EBF1: variants seen among roughly 807,000 people sequenced by gnomAD.
EBF1 encodes the protein EBF transcription factor 1.
EBF1 carries 10 observed loss-of-function variants against 68.4 expected under a neutral mutation model. That is an observed-to-expected ratio of 0.15 (90% CI 0.09 to 0.25). EBF1 has a LOEUF of 0.25. EBF1 is among the 10% of genes least tolerant of loss of function. EBF1 has a pLI of 1.00. For synonymous variants in EBF1, 298 were observed against 299.8 expected, an observed-to-expected ratio of 0.99 and a Z score of 0.06; for missense variants, 509 against 794.4, an observed-to-expected ratio of 0.64 and a Z score of 4.32.
At chr5:159,075,904 T>C (rs1299905220) in intron 5 of EBF1, among the ~76,000 whole-genome samples, 1 of 152,168 alleles carries the variant, frequency 6.6e-6, no homozygotes, top group East Asian at 1.9e-4. Context: ...GACTCTTGCC[T>C]GGCGGGCCTC....
intron 6 of EBF1, among the ~76,000 whole-genome samples, chr5:158,894,971 A>G (rs1275711764): frequency 6.6e-6 from 1 of 152,214 alleles, no homozygotes. Context: ...TATACTGTAT[A>G]TTATGTAACA....
At chr5:159,021,818 C>T (rs1040824446) in intron 6 of EBF1, among the ~76,000 whole-genome samples, 8 of 152,108 alleles carry the variant, frequency 5.3e-5, no homozygotes, top group African/African-American at 1.9e-4. Flanking sequence ...CTTATAATGC[C>T]CTTTTAGCAA....
intron 6 of EBF1, among the ~76,000 whole-genome samples, chr5:158,957,856 T>C (rs1389144828): frequency 6.6e-6 from 1 of 152,216 alleles, no homozygotes; most frequent in East Asian, 1.9e-4. Context: ...CAGGTTTAAA[T>C]ACCTTCAAGG....
At chr5:158,763,248 G>A (rs909084843) in intron 10 of EBF1, among the ~76,000 whole-genome samples, 9 of 152,180 alleles carry the variant, frequency 5.9e-5, no homozygotes, top group African/African-American at 1.9e-4. Flanking sequence ...TAAATTACAA[G>A]AGTGCAGCAG....
intron 6 of EBF1, among the ~76,000 whole-genome samples, chr5:158,865,539 ATGATAATGG>A (rs1795726540): frequency 6.6e-6 from 1 of 152,228 alleles, no homozygotes; most frequent in South Asian, 2.1e-4. Context: ...TTTGATGATG[ATGATAATGG>A]TGATAATGGG....
intron 10 of EBF1, among the ~76,000 whole-genome samples, chr5:158,772,654 T>A (rs913130334): frequency 2.6e-5 from 4 of 152,184 alleles, no homozygotes; most frequent in Non-Finnish European, 5.9e-5. Context: ...GTGTTACTTG[T>A]TTCTTTAAAC....
At chr5:159,013,608 G>A (rs1765091923) in intron 6 of EBF1, among the ~76,000 whole-genome samples, 1 of 152,214 alleles carries the variant, frequency 6.6e-6, no homozygotes. Flanking sequence ...TCCAGGCTGA[G>A]GCTGGTGAGG....
chr5:158,771,218 T>C (rs923497186), intron 10 of EBF1, among the ~76,000 whole-genome samples: 2 of 152,136 alleles, frequency 1.3e-5, no homozygotes, highest in Non-Finnish European at 2.9e-5. Flanking sequence ...ACTATCTGCT[T>C]TTCTCACTTA....
chr5:158,697,033 T>C lies in EBF1; in HGVS notation c.*2078A>G, dbSNP rs1428188274. 1 of 189,588 alleles carries C rather than the reference T, an allele frequency of 5.3e-6. No homozygotes were observed. Among genetic ancestry groups the C allele is most frequent in the Non-Finnish European group, 1.1e-5 (1 of 90,252 alleles). 11.7% of individuals were successfully genotyped at this position (189,588 alleles called of 1,614,324 possible). A position where few individuals can be genotyped will look rare whatever the true frequency, so the allele number is the denominator to read the frequency against. ...TTAAGGCATCCAATCTGCTGGTTTA[T>C]ATTTATGTGAAAGACAGAGGAAATA... On this transcript the variant is annotated 3_prime_UTR_variant, in exon 16 of 16. Coordinates refer to ENST00000313708, the MANE Select transcript of EBF1 (RefSeq NM_024007.5).
chr5:159,001,263 G>A (rs943866304), intron 6 of EBF1, among the ~76,000 whole-genome samples: 1 of 151,970 alleles, frequency 6.6e-6, no homozygotes, highest in Non-Finnish European at 1.5e-5. Flanking sequence ...GAGTAAGAAA[G>A]AAATTTTTTT....
At chr5:159,010,230 G>A (rs2127676492) in intron 6 of EBF1, among the ~76,000 whole-genome samples, 1 of 152,302 alleles carries the variant, frequency 6.6e-6, no homozygotes, top group South Asian at 2.1e-4. Context: ...AGATGAGTAG[G>A]AGGGTGGACA....
intron 6 of EBF1, among the ~76,000 whole-genome samples, chr5:158,958,164 C>T (rs1040347478): frequency 1.3e-5 from 2 of 152,082 alleles, no homozygotes; most frequent in African/African-American, 2.4e-5. Context: ...TGACAGAGCT[C>T]GGTGGTGTCC....
chr5:159,071,592 C>T (rs1449224806), intron 6 of EBF1, among the ~76,000 whole-genome samples: 1 of 152,150 alleles, frequency 6.6e-6, no homozygotes, highest in Non-Finnish European at 1.5e-5. Flanking sequence ...TACAGTGCTG[C>T]TGAGTCAAGT....
chr5:158,962,925 C>T (rs995496965), intron 6 of EBF1, among the ~76,000 whole-genome samples: 6 of 152,152 alleles, frequency 3.9e-5, no homozygotes, highest in African/African-American at 1.4e-4. Context: ...CACATCTAGC[C>T]CAACCTCCTG....
intron 15 of EBF1, among the ~76,000 whole-genome samples, chr5:158,705,975 C>T (rs2127469990): frequency 6.6e-6 from 1 of 152,320 alleles, no homozygotes; most frequent in Admixed American, 6.5e-5. Context: ...TAAATTTCTG[C>T]TTTCCATATG....
At chr5:159,044,078 T>G (rs1280785121) in intron 6 of EBF1, among the ~76,000 whole-genome samples, 1 of 152,236 alleles carries the variant, frequency 6.6e-6, no homozygotes, top group Non-Finnish European at 1.5e-5. Context: ...CAACACCTAA[T>G]TGTTGAATAA....
At chr5:158,969,906 AAG>A (rs1376349844) in intron 6 of EBF1, among the ~76,000 whole-genome samples, 1 of 121,470 alleles carries the variant, frequency 8.2e-6, no homozygotes, top group Non-Finnish European at 1.8e-5. Flanking sequence ...GAAAGAAAGA[AAG>A]AAAGAAAGAA....
chr5:158,752,770 C>A (rs1581591974), intron 10 of EBF1, among the ~76,000 whole-genome samples: 1 of 151,976 alleles, frequency 6.6e-6, no homozygotes, highest in African/African-American at 2.4e-5. Context: ...AAATGTCCCA[C>A]GGTTGTAAAA....
At chr5:158,864,223 C>CCA (rs1795464335) in intron 6 of EBF1, among the ~76,000 whole-genome samples, 7 of 58,568 alleles carry the variant, frequency 1.2e-4, no homozygotes, top group African/African-American at 3.3e-4. Context: ...GACTCTGTCT[C>CCA]AAAAAAAAAA....
Sources: gnomAD v4.1 joint callset for allele counts (sites outside exome capture counted in the v4.1 genomes callset) on GRCh38, gnomAD v4.1.1 for gene constraint, MANE v1.5 for transcripts, NCBI Gene and HGNC (gene_info 2026-07-23, HGNC 2026-07-21) for gene names.